Variants in NPAS3 observed in about 807,000 individuals in gnomAD.
NPAS3 encodes the protein neuronal PAS domain-containing protein 3.
Under a neutral mutation model 73.1 loss-of-function variants are expected in NPAS3, and 14 were observed. The ratio of observed to expected loss-of-function variants is 0.19; its 90% CI spans 0.13 to 0.30. NPAS3 has a LOEUF of 0.30. Among genes scored for constraint, NPAS3 ranks in the 10% least tolerant of loss-of-function variants. The probability of loss-of-function intolerance (pLI) is 1.00; values close to 1 mark genes in which losing one functional copy is unlikely to be tolerated. For missense variants in NPAS3, 1,096 were observed against 1,250.0 expected (o/e 0.88, Z 1.86); for synonymous variants, 620 against 541.5 (o/e 1.14, Z -2.01).
At chr14:33,494,781 A>G (rs2052085037) in intron 4 of NPAS3, among the ~76,000 whole-genome samples, 1 of 152,130 alleles carries the variant, frequency 6.6e-6, no homozygotes, top group African/African-American at 2.4e-5. Flanking sequence ...GAGAAATAAA[A>G]AAATATATGT....
intron 7 of NPAS3, among the ~76,000 whole-genome samples, chr14:33,766,737 T>A (rs139199860): frequency 6.6e-6 from 1 of 152,154 alleles, no homozygotes; most frequent in Non-Finnish European, 1.5e-5. Flanking sequence ...ACTTCCTGAG[T>A]TGATAGCCAT....
chr14:33,225,705 A>G (rs1226832161), intron 3 of NPAS3, among the ~76,000 whole-genome samples: 3 of 152,214 alleles, frequency 2.0e-5, no homozygotes, highest in African/African-American at 4.8e-5. Context: ...TAAAACAACA[A>G]GGACAATGCA....
chr14:33,186,151 ATTAAGCC>A (rs939117247), intron 2 of NPAS3, among the ~76,000 whole-genome samples: 1 of 152,184 alleles, frequency 6.6e-6, no homozygotes, highest in African/African-American at 2.4e-5. Context: ...TGCTTTGCAA[ATTAAGCC>A]TTTAAAAAAG....
intron 5 of NPAS3, among the ~76,000 whole-genome samples, chr14:33,581,536 G>A (rs567910293): frequency 2.0e-5 from 3 of 152,066 alleles, no homozygotes; most frequent in African/African-American, 4.8e-5. Flanking sequence ...ATTTGTGACC[G>A]CTTTGTAGCC....
At chr14:33,700,702 A>G (rs2060501943) in intron 6 of NPAS3, among the ~76,000 whole-genome samples, 1 of 152,214 alleles carries the variant, frequency 6.6e-6, no homozygotes. Flanking sequence ...TAGCTAGTTA[A>G]TAAATCACCC....
intron 3 of NPAS3, among the ~76,000 whole-genome samples, chr14:33,249,887 G>A (rs190618287): frequency 5.3e-5 from 8 of 151,164 alleles, no homozygotes; most frequent in Admixed American, 2.0e-4. Context: ...ATTGTAACGC[G>A]TTTGGAAGCA....
At chr14:32,974,855 A>G (rs2037588223) in intron 1 of NPAS3, among the ~76,000 whole-genome samples, 1 of 152,202 alleles carries the variant, frequency 6.6e-6, no homozygotes, top group Non-Finnish European at 1.5e-5. Context: ...CATCCAGACT[A>G]TACTAGAAAG....
rs1567067295 is a variant in NPAS3, at chr14:33,628,702, G to A, written c.559-47509G>A. On this transcript the variant is annotated intron_variant, in intron 5 of 11. Coordinates refer to ENST00000356141, the Ensembl canonical transcript of NPAS3. ...GCTGGAAATTGTAGAAATGTGACAA[G>A]AGAAGCTCTCTGGCTCTTCTGTCTT... 2.0e-5 allele frequency among the ~76,000 whole-genome samples: 3 copies of A among 152,208 alleles called. 1 individual carries two copies. Among genetic ancestry groups the A allele is most frequent in the Admixed American group, 1.3e-4 (2 of 15,284 alleles).
chr14:33,362,355 A>G (rs763037475), intron 3 of NPAS3, among the ~76,000 whole-genome samples: 8 of 152,294 alleles, frequency 5.3e-5, no homozygotes, highest in Non-Finnish European at 1.2e-4. Flanking sequence ...TTGATAGGGA[A>G]ACAGATACAC....
intron 5 of NPAS3, among the ~76,000 whole-genome samples, chr14:33,644,804 C>T (rs150161953): frequency 1.5e-4 from 23 of 152,126 alleles, no homozygotes; most frequent in East Asian, 7.7e-4. Flanking sequence ...AAGATGAGGC[C>T]GGATGTGGTG....
intron 4 of NPAS3, among the ~76,000 whole-genome samples, chr14:33,491,736 T>G (rs1237422971): frequency 6.6e-6 from 1 of 152,198 alleles, no homozygotes; most frequent in Non-Finnish European, 1.5e-5. Context: ...TTATTCTACT[T>G]AAGCCTGTAA....
At chr14:33,638,432 G>T (rs1344426137) in intron 5 of NPAS3, among the ~76,000 whole-genome samples, 1 of 152,186 alleles carries the variant, frequency 6.6e-6, no homozygotes, top group Admixed American at 6.5e-5. Context: ...TCTACGTGAT[G>T]TTGGATAAAC....
intron 2 of NPAS3, among the ~76,000 whole-genome samples, chr14:33,104,369 T>G (rs1415150041): frequency 6.6e-6 from 1 of 152,196 alleles, no homozygotes; most frequent in Non-Finnish European, 1.5e-5. Context: ...TTCATGTGGG[T>G]AAAAGTCCGT....
intron 5 of NPAS3, among the ~76,000 whole-genome samples, chr14:33,596,990 G>C (rs1399664409): frequency 6.6e-6 from 1 of 152,184 alleles, no homozygotes; most frequent in East Asian, 1.9e-4. Flanking sequence ...TGCGCTGGTA[G>C]TGTGTTGTTC....
At chr14:33,286,946 C>T (rs905821903) in intron 3 of NPAS3, among the ~76,000 whole-genome samples, 1 of 152,090 alleles carries the variant, frequency 6.6e-6, no homozygotes, top group African/African-American at 2.4e-5. Context: ...GGGCTACTTC[C>T]TGAGCAGAGA....
chr14:32,997,751 C>T lies in NPAS3; in HGVS notation c.51-58154C>T, dbSNP rs530770691. ...CATCCTGGCTAACACGGTGAAACCC[C>T]GTCTCTACTAAAAAAAAAAAAAAAA... On this transcript the variant is annotated intron_variant, in intron 1 of 11. Transcript: ENST00000356141. Among the ~76,000 whole-genome samples the T allele has an allele frequency of 6.8e-4, 100 of 146,634 alleles. No homozygotes were observed. The East Asian group carries it at 0.018, about 26-fold the overall frequency.
chr14:33,191,126 G>GT (rs761602021), intron 2 of NPAS3, among the ~76,000 whole-genome samples: 8 of 152,168 alleles, frequency 5.3e-5, no homozygotes, highest in Non-Finnish European at 7.3e-5. Flanking sequence ...ACAGAGAACA[G>GT]TAACAGATGT....
chr14:33,531,427 C>T (rs564342271), intron 4 of NPAS3, among the ~76,000 whole-genome samples: 6 of 152,120 alleles, frequency 3.9e-5, no homozygotes, highest in South Asian at 2.1e-4. Context: ...TTTATGAGAA[C>T]GTCATATAAA....
At chr14:33,642,569 A>T (rs1432834718) in intron 5 of NPAS3, among the ~76,000 whole-genome samples, 2 of 152,226 alleles carry the variant, frequency 1.3e-5, no homozygotes, top group Admixed American at 6.5e-5. Flanking sequence ...CAATCTAGAC[A>T]CTTAGATTTC....
Sources: gnomAD v4.1 joint callset for allele counts (sites outside exome capture counted in the v4.1 genomes callset) on GRCh38, gnomAD v4.1.1 for gene constraint, MANE v1.5 for transcripts, NCBI Gene and HGNC (gene_info 2026-07-23, HGNC 2026-07-21) for gene names.